PLXNA2: variants seen among roughly 807,000 people sequenced by gnomAD.
PLXNA2 encodes plexin A2.
Under a neutral mutation model 193.5 loss-of-function variants are expected in PLXNA2, and 91 were observed. That is an observed-to-expected ratio of 0.47 (90% confidence interval 0.40 to 0.56). The LOEUF is 0.56. Among genes scored for constraint, PLXNA2 ranks in the 20% least tolerant of loss-of-function variants. PLXNA2 has a pLI of 0.00. For missense variants in PLXNA2, 1,995 were observed against 2,503.2 expected, an observed-to-expected ratio of 0.80 and a Z score of 4.33; for synonymous variants, 997 against 1,027.3, an observed-to-expected ratio of 0.97 and a Z score of 0.56.
chr1:208,134,549 G>A (rs956374446), intron 4 of PLXNA2, among the ~76,000 whole-genome samples: 12 of 152,110 alleles, frequency 7.9e-5, no homozygotes, highest in Admixed American at 6.6e-5. Flanking sequence ...GCAGCAATTC[G>A]CTTATCCTCA....
chr1:208,222,717 G>A (rs1408594865), intron 1 of PLXNA2, among the ~76,000 whole-genome samples: 1 of 152,202 alleles, frequency 6.6e-6, no homozygotes, highest in Non-Finnish European at 1.5e-5. Context: ...CCCTTTTCAG[G>A]AGATCTGGGT....
chr1:208,036,577 A>G (rs1664675842), intron 26 of PLXNA2, among the ~76,000 whole-genome samples: 1 of 152,326 alleles, frequency 6.6e-6, no homozygotes, highest in Middle Eastern at 3.4e-3. Context: ...AGTGCCTGGG[A>G]TCCAGTGAGC....
chr1:208,238,702 T>C (rs1479126633), intron 1 of PLXNA2, among the ~76,000 whole-genome samples: 1 of 152,142 alleles, frequency 6.6e-6, no homozygotes, highest in Non-Finnish European at 1.5e-5. Context: ...GATACAATGT[T>C]GACATGCATT....
At chr1:208,216,068 A>C (rs1671118226) in intron 2 of PLXNA2, among the ~76,000 whole-genome samples, 1 of 152,138 alleles carries the variant, frequency 6.6e-6, no homozygotes, top group Admixed American at 6.5e-5. Context: ...CTGTGTGTAC[A>C]TGACCTGGTC....
chr1:208,085,335 T>C (rs1177535132), intron 9 of PLXNA2, among the ~76,000 whole-genome samples: 2 of 152,172 alleles, frequency 1.3e-5, no homozygotes, highest in Non-Finnish European at 2.9e-5. Flanking sequence ...CAGATGAGCC[T>C]GGTAGCCCCT....
intron 29 of PLXNA2, chr1:208,030,939 G>C: frequency 1.0e-6 from 1 of 986,302 alleles, no homozygotes; most frequent in Non-Finnish European, 1.2e-6. Flanking sequence ...CCCACTGCTG[G>C]TCTGGTTGCA....
At chr1:208,090,677 T>A (rs1015282122) in intron 9 of PLXNA2, among the ~76,000 whole-genome samples, 1 of 152,196 alleles carries the variant, frequency 6.6e-6, no homozygotes, top group Admixed American at 6.5e-5. Flanking sequence ...CTGAGGTGGG[T>A]AGCCTCAGGA....
intron 1 of PLXNA2, among the ~76,000 whole-genome samples, chr1:208,233,236 C>T (rs1671745515): frequency 6.6e-6 from 1 of 152,222 alleles, no homozygotes; most frequent in Non-Finnish European, 1.5e-5. Context: ...CTTGTCTCCC[C>T]TCTATCATAC....
At position 208,082,312 on chromosome 1, in the gene PLXNA2, T is replaced by C. The variant is rs149360505; in HGVS notation, c.2395+100A>G. ...GAGTTCCGCCGACAGAGGGAGTGTATTATTCATGGCACAGCGGCTGGCTGG... is the reference window on the plus strand; with the variant it reads ...GAGTTCCGCCGACAGAGGGAGTGTACTATTCATGGCACAGCGGCTGGCTGG... On this transcript the variant is annotated intron_variant, in intron 11 of 31. Coordinates refer to ENST00000367033, the MANE Select transcript of PLXNA2 (RefSeq NM_025179.4). The surrounding 1 kb of genome is among the most constrained non-coding windows in gnomAD (Gnocchi z 4.2). 7 of 872,038 alleles carry C rather than the reference T, an allele frequency of 8.0e-6. No individual in the cohort carries two copies. In the East Asian group the frequency reaches 1.8e-4, roughly 23 times the overall value. The allele number at this position is 872,038 out of a possible 1,614,324, so 54.0% of individuals were successfully genotyped here. A position where few individuals can be genotyped will look rare whatever the true frequency, so the allele number is the denominator to read the frequency against.
chr1:208,101,190 G>A (rs374006543), intron 5 of PLXNA2, among the ~76,000 whole-genome samples: 2 of 152,156 alleles, frequency 1.3e-5, no homozygotes, highest in East Asian at 3.8e-4. Context: ...AATAGCCTTG[G>A]AGACAATAAC....
intron 3 of PLXNA2, among the ~76,000 whole-genome samples, chr1:208,152,771 G>C (rs141451228): frequency 8.9e-4 from 134 of 150,862 alleles, no homozygotes; most frequent in African/African-American, 3.2e-3. Flanking sequence ...TCCTCAGTTT[G>C]TCATTCAGGA....
intron 14 of PLXNA2, among the ~76,000 whole-genome samples, chr1:208,053,583 C>T (rs979393792): frequency 6.6e-6 from 1 of 152,218 alleles, no homozygotes; most frequent in Non-Finnish European, 1.5e-5. Context: ...GAATTTTGTG[C>T]TCCAAAGATT....
chr1:208,214,470 A>G (rs995548209), intron 2 of PLXNA2, among the ~76,000 whole-genome samples: 15 of 152,058 alleles, frequency 9.9e-5, no homozygotes, highest in Non-Finnish European at 2.1e-4. Context: ...CTTAACCACG[A>G]CTCTTCTACC....
intron 4 of PLXNA2, among the ~76,000 whole-genome samples, chr1:208,140,058 A>G (rs963116880): frequency 3.9e-5 from 6 of 152,074 alleles, no homozygotes; most frequent in Non-Finnish European, 7.4e-5. Flanking sequence ...AATTCTTCCT[A>G]TCTCTGCTCA....
chr1:208,241,103 C>T (rs1046202930), intron 1 of PLXNA2, among the ~76,000 whole-genome samples: 6 of 152,160 alleles, frequency 3.9e-5, no homozygotes, highest in Non-Finnish European at 5.9e-5. Context: ...TCACTGGTTT[C>T]CCCTCCTGTT....
intron 3 of PLXNA2, among the ~76,000 whole-genome samples, chr1:208,197,744 C>T (rs1037775617): frequency 6.6e-6 from 1 of 152,206 alleles, no homozygotes; most frequent in Non-Finnish European, 1.5e-5. Context: ...AGCAGAACTT[C>T]CTGGCTACGA....
chr1:208,095,518 C>T (rs1434462156), intron 8 of PLXNA2, among the ~76,000 whole-genome samples: 1 of 152,140 alleles, frequency 6.6e-6, no homozygotes, highest in Non-Finnish European at 1.5e-5. Context: ...GGAGTGAAGG[C>T]CTCTGCTCCA....
intron 8 of PLXNA2, among the ~76,000 whole-genome samples, chr1:208,094,369 A>G (rs907689134): frequency 1.3e-5 from 2 of 152,200 alleles, no homozygotes; most frequent in Non-Finnish European, 2.9e-5. Context: ...ACTGAATTCC[A>G]GTAGAGAAGG....
At chr1:208,155,097 G>T (rs573489142) in intron 3 of PLXNA2, among the ~76,000 whole-genome samples, 2 of 152,292 alleles carry the variant, frequency 1.3e-5, no homozygotes, top group Non-Finnish European at 2.9e-5. Context: ...GGGAGGAGGA[G>T]CGGGAGGCAG....
Sources: gnomAD v4.1 joint callset for allele counts (sites outside exome capture counted in the v4.1 genomes callset) on GRCh38, gnomAD v4.1.1 for gene constraint, Gnocchi (gnomAD v3.1) non-coding constraint, MANE v1.5 for transcripts, NCBI Gene and HGNC (gene_info 2026-07-23, HGNC 2026-07-21) for gene names.